Variants in RBFOX1 observed in about 807,000 individuals in gnomAD.
The protein encoded by RBFOX1 is RNA binding protein fox-1 homolog 1.
RBFOX1 carries 8 observed loss-of-function variants against 57.7 expected under a neutral mutation model. The ratio of observed to expected loss-of-function variants is 0.14; its 90% CI spans 0.08 to 0.25. The LOEUF (loss-of-function observed/expected upper bound fraction) is 0.25. Among genes scored for constraint, RBFOX1 ranks in the 10% least tolerant of loss-of-function variants. The pLI, the probability that RBFOX1 is intolerant of heterozygous loss-of-function variation, is 1.00. For missense variants in RBFOX1, 611 were observed against 548.5 expected (o/e 1.11, Z -1.14); for synonymous variants, 326 against 222.4 (o/e 1.47, Z -4.15).
intron 3 of RBFOX1, among the ~76,000 whole-genome samples, chr16:5,696,436 A>G (rs1184699059): frequency 6.6e-6 from 1 of 152,202 alleles, no homozygotes; most frequent in Non-Finnish European, 1.5e-5. Context: ...GGTTATTTAC[A>G]TATTTTTACT....
At chr16:7,182,360 C>T (rs1344077862) in intron 4 of RBFOX1, among the ~76,000 whole-genome samples, 2 of 152,178 alleles carry the variant, frequency 1.3e-5, no homozygotes, top group South Asian at 2.1e-4. Context: ...TCCATTCTTC[C>T]TGAAGCCCCC....
chr16:7,292,037 TATA>T (rs1328261615), intron 4 of RBFOX1, among the ~76,000 whole-genome samples: 1 of 140,636 alleles, frequency 7.1e-6, no homozygotes, highest in Non-Finnish European at 1.5e-5. Context: ...ATTATACAAT[TATA>T]GTATATATTA....
At chr16:5,680,723 A>G (rs1567388362) in intron 3 of RBFOX1, among the ~76,000 whole-genome samples, 4 of 152,200 alleles carry the variant, frequency 2.6e-5, no homozygotes, top group Non-Finnish European at 5.9e-5. Flanking sequence ...AAAGGCACTA[A>G]AAACATCTTT....
chr16:5,640,357 G>A (rs1421255192), intron 3 of RBFOX1, among the ~76,000 whole-genome samples: 1 of 152,096 alleles, frequency 6.6e-6, no homozygotes, highest in African/African-American at 2.4e-5. Context: ...ATTGGCACAA[G>A]CATGTATGCA....
At chr16:5,515,364 C>T (rs1227795239) in intron 2 of RBFOX1, among the ~76,000 whole-genome samples, 1 of 152,182 alleles carries the variant, frequency 6.6e-6, no homozygotes, top group Non-Finnish European at 1.5e-5. Flanking sequence ...GCTGCAGGTG[C>T]CTGGATCAAG....
chr16:6,303,358 G>A (rs1454684329), intron 1 of RBFOX1, among the ~76,000 whole-genome samples: 1 of 151,776 alleles, frequency 6.6e-6, no homozygotes, highest in African/African-American at 2.4e-5. Flanking sequence ...AAAAAATCGA[G>A]GCCTACAGAG....
chr16:7,067,139 G>C (rs1351355714), intron 4 of RBFOX1, among the ~76,000 whole-genome samples: 1 of 152,182 alleles, frequency 6.6e-6, no homozygotes. Flanking sequence ...CCATGCTTGT[G>C]ACATGGGCCC....
intron 4 of RBFOX1, among the ~76,000 whole-genome samples, chr16:7,313,934 A>C (rs552347537): frequency 5.3e-5 from 8 of 152,190 alleles, no homozygotes; most frequent in Admixed American, 5.2e-4. Flanking sequence ...CTGCGTTGGA[A>C]GAATAGCTCC....
chr16:7,327,543 G>A (rs531021600), intron 4 of RBFOX1, among the ~76,000 whole-genome samples: 2 of 152,252 alleles, frequency 1.3e-5, no homozygotes, highest in African/African-American at 4.8e-5. Context: ...ATAGGATCAG[G>A]GAAACACTCT....
At chr16:5,353,969 C>T (rs560775256) in intron 1 of RBFOX1, among the ~76,000 whole-genome samples, 34 of 152,024 alleles carry the variant, frequency 2.2e-4, no homozygotes, top group East Asian at 3.9e-4. Flanking sequence ...GCAGGATGAA[C>T]GGAGGGGCCA....
chr16:6,109,215 C>T (rs542062865), intron 1 of RBFOX1, among the ~76,000 whole-genome samples: 1 of 152,120 alleles, frequency 6.6e-6, no homozygotes, highest in Non-Finnish European at 1.5e-5. Context: ...CTTTAATATT[C>T]TAGTAAAGCT....
chr16:5,962,251 A>C lies in RBFOX1; in HGVS notation c.351+94916A>C, dbSNP rs551853743. On this transcript the variant is annotated intron_variant, in intron 4 of 19. Transcript: ENST00000641259. The stretch of plus-strand genomic sequence containing the variant: ...CCTTGGCAAGATCCACTTCTCATCA[A>C]GCCTGAGCTATTACAGTATTTCCCT... Among the ~76,000 whole-genome samples the C allele has an allele frequency of 6.6e-5, 10 of 152,168 alleles. 1 individual carries two copies. Among genetic ancestry groups the C allele is most frequent in the African/African-American group, 2.4e-4 (10 of 41,438 alleles).
chr16:7,249,533 A>G (rs1034047402), intron 4 of RBFOX1, among the ~76,000 whole-genome samples: 7 of 151,494 alleles, frequency 4.6e-5, no homozygotes, highest in Non-Finnish European at 8.8e-5. Context: ...TCAACTGTTT[A>G]TATGTTTTGT....
intron 4 of RBFOX1, among the ~76,000 whole-genome samples, chr16:7,145,150 G>T (rs866719594): frequency 1.3e-5 from 2 of 152,090 alleles, no homozygotes; most frequent in Non-Finnish European, 1.5e-5. Context: ...GCAAGCAGGG[G>T]GTACCATCCC....
intron 4 of RBFOX1, among the ~76,000 whole-genome samples, chr16:7,301,447 A>T (rs1454293853): frequency 2.0e-5 from 3 of 152,148 alleles, no homozygotes; most frequent in Non-Finnish European, 4.4e-5. Context: ...GACTGTGAAA[A>T]CTTAAGTTTA....
intron 4 of RBFOX1, among the ~76,000 whole-genome samples, chr16:7,277,494 C>A (rs954890034): frequency 6.6e-6 from 1 of 152,140 alleles, no homozygotes; most frequent in African/African-American, 2.4e-5. Flanking sequence ...TGGGATGAAG[C>A]CACAATTGTT....
intron 3 of RBFOX1, among the ~76,000 whole-genome samples, chr16:6,842,732 C>A (rs938542873): frequency 6.6e-6 from 1 of 150,582 alleles, no homozygotes; most frequent in Non-Finnish European, 1.5e-5. Context: ...TATACATGTG[C>A]CATGGTGGTT....
chr16:5,730,198 C>G (rs2052313283), intron 3 of RBFOX1, among the ~76,000 whole-genome samples: 1 of 152,160 alleles, frequency 6.6e-6, no homozygotes, highest in Non-Finnish European at 1.5e-5. Context: ...ACCAGCCTAC[C>G]ACAATTAGGG....
At chr16:6,465,890 G>GTGTGTT (rs2095038105) in intron 2 of RBFOX1, among the ~76,000 whole-genome samples, 1 of 151,918 alleles carries the variant, frequency 6.6e-6, no homozygotes, top group Non-Finnish European at 1.5e-5. Flanking sequence ...GTGTTTGTGT[G>GTGTGTT]TGTGTGTGTG....
Sources: gnomAD v4.1 joint callset for allele counts (sites outside exome capture counted in the v4.1 genomes callset) on GRCh38, gnomAD v4.1.1 for gene constraint, MANE v1.5 for transcripts, NCBI Gene and HGNC (gene_info 2026-07-23, HGNC 2026-07-21) for gene names.